TMEM14C: variants seen among roughly 807,000 people sequenced by gnomAD.
TMEM14C encodes the protein transmembrane protein 14C.
In TMEM14C, 13 loss-of-function variants were observed where a neutral mutation model predicts 14.8. The ratio of observed to expected loss-of-function variants is 0.88; its 90% confidence interval spans 0.57 to 1.40. The LOEUF (loss-of-function observed/expected upper bound fraction) is 1.40, where lower values mean the gene tolerates loss of function less well. Ranked by LOEUF, TMEM14C falls within the 40% of genes most tolerant of loss-of-function variation. The pLI, the probability that TMEM14C is intolerant of heterozygous loss-of-function variation, is 0.00. For missense variants in TMEM14C, 142 were observed against 138.8 expected (o/e 1.02, Z -0.12); for synonymous variants, 57 against 51.3 (o/e 1.11, Z -0.48).
At chr6:10,728,959 A>G in intron 5 of TMEM14C, 1 of 999,998 alleles carries the variant, frequency 1.0e-6, no homozygotes, top group Non-Finnish European at 1.4e-6. Context: ...TTTGCTTTCC[A>G]GTCCATCCAA....
chr6:10,723,136 C>T lies in TMEM14C; in HGVS notation c.-150C>T, dbSNP rs1413393805. ...ACAGAGCCGCTCCCCTCTCCTCGCC[C>T]CGCCACCGGGACGGAGAGCGCCCGC... On this transcript the variant is annotated 5_prime_UTR_variant, in exon 1 of 6. Transcript: ENST00000229563. 6 of 152,360 alleles carry T rather than the reference C, an allele frequency of 3.9e-5. No homozygotes were observed. The East Asian group carries it at 5.8e-4, about 15-fold the overall frequency. 9.4% of individuals were successfully genotyped at this position (152,360 alleles called of 1,614,324 possible).
chr6:10,729,982 C>T (rs1770981297), intron 5 of TMEM14C, among the ~76,000 whole-genome samples: 1 of 152,070 alleles, frequency 6.6e-6, no homozygotes. Flanking sequence ...CCTGTAATCA[C>T]AGCTACTTGG....
intron 4 of TMEM14C, 42 bp from the exon 5 acceptor site, chr6:10,728,598 G>T: frequency 6.2e-7 from 1 of 1,600,836 alleles, no homozygotes; most frequent in South Asian, 1.1e-5. Context: ...CTGCGTAGAA[G>T]ATGTAATGAG....
rs747120965 is a variant in TMEM14C, at chr6:10,724,963, T to C, written c.23T>C (p.Val8Ala). MQDTGSVVPLHWFGFGYA... is the reference protein window; with the variant it reads MQDTGSVAPLHWFGFGYA... ...ACTTCTCCCTCTTGTGTTTTCAGAG[T>C]GCCTTTGCATTGGTTTGGCTTTGGC... The change falls in exon 3 of 6, where the codon GTG (valine) becomes GCG (alanine). Residue 8 changes from valine to alanine, a missense_variant and splice_region_variant. Coordinates refer to ENST00000229563, the MANE Select transcript of TMEM14C (RefSeq NM_016462.4). The C allele has an allele frequency of 6.2e-7, 1 of 1,614,250 alleles. No individual in the cohort carries two copies. The highest frequency in any genetic ancestry group is 2.2e-5 in the East Asian group (1 of 44,894).
chr6:10,724,461 T>A, intron 1 of TMEM14C, 109 bp from the exon 2 acceptor site: 1 of 701,916 alleles, frequency 1.4e-6, no homozygotes, highest in South Asian at 1.7e-5. Flanking sequence ...CATGGTACAG[T>A]GAAGAATACT....
chr6:10,724,594 T>C lies in TMEM14C; in HGVS notation c.-20T>C. On this transcript the variant is annotated 5_prime_UTR_variant, in exon 2 of 6. Coordinates refer to ENST00000229563, the MANE Select transcript of TMEM14C (RefSeq NM_016462.4). Reference sequence around the variant, plus strand: ...GGTGCAGGCCTGGGGTAGTCTCCTGTCTGGACAGAGAAGAGAAAAATGCAG... The same window carrying C: ...GGTGCAGGCCTGGGGTAGTCTCCTGCCTGGACAGAGAAGAGAAAAATGCAG... 1.9e-6 allele frequency: 3 copies of C among 1,612,812 alleles called. No individual in the cohort carries two copies. Among genetic ancestry groups the C allele is most frequent in the Non-Finnish European group, 2.5e-6 (3 of 1,179,332 alleles).
At chr6:10,728,222 C>T (rs77293610) in intron 4 of TMEM14C, among the ~76,000 whole-genome samples, 10 of 152,336 alleles carry the variant, frequency 6.6e-5, no homozygotes, top group African/African-American at 2.2e-4. Context: ...TTACAATAAC[C>T]TTTGTATTCT....
At chr6:10,727,848 G>C (rs1770913824) in intron 4 of TMEM14C, among the ~76,000 whole-genome samples, 1 of 152,032 alleles carries the variant, frequency 6.6e-6, no homozygotes. Context: ...ATGTGACTCT[G>C]TTCATGTGTC....
rs201415883 is a variant in TMEM14C at position 10,725,965 on chromosome 6, T to C, written c.156T>C (p.Ala52=). Residue 52 remains alanine, a synonymous_variant, in exon 4 of 6, where the codon GCT becomes GCC. Transcript: ENST00000229563. ...TTGGCAGTCTAGCCGGCCTGGGTGCTTACCAGCTGTCTCAGGATCCAAGGA... is the reference window on the plus strand; with the variant it reads ...TTGGCAGTCTAGCCGGCCTGGGTGCCTACCAGCTGTCTCAGGATCCAAGGA... ...LLFGSLAGLG[A]YQLSQDPRNV... The C allele has an allele frequency of 3.8e-5, 61 of 1,614,038 alleles. No individual in the cohort carries two copies. The highest frequency in any genetic ancestry group is 5.0e-5 in the Non-Finnish European group (59 of 1,180,042).
chr6:10,725,850 C>A, intron 3 of TMEM14C, 57 bp from the exon 4 acceptor site: 1 of 1,606,324 alleles, frequency 6.2e-7, no homozygotes, highest in Non-Finnish European at 8.5e-7. Flanking sequence ...CTGGGGGATT[C>A]CGTTAGTGAA....
chr6:10,726,135 C>G lies in TMEM14C; in HGVS notation c.199+127C>G, dbSNP rs188386694. On this transcript the variant is annotated intron_variant, in intron 4 of 5. Transcript: ENST00000229563. ...CTTACGACAATTTCACTGCTTCTAC[C>G]AAGTCCTCAGAAAGTTTTAAAATGA... is the stretch of plus-strand genomic sequence containing the variant. 1.8e-5 allele frequency: 19 copies of G among 1,035,016 alleles called. No homozygotes were observed. In the African/African-American group the frequency reaches 2.9e-4, roughly 16 times the overall value. The allele number at this position is 1,035,016 out of a possible 1,614,324, so 64.1% of individuals were successfully genotyped here. A position where few individuals can be genotyped will look rare whatever the true frequency, so the allele number is the denominator to read the frequency against.
At chr6:10,730,310 TG>T (rs1770989945) in intron 5 of TMEM14C, among the ~76,000 whole-genome samples, 1 of 152,170 alleles carries the variant, frequency 6.6e-6, no homozygotes, top group African/African-American at 2.4e-5. Flanking sequence ...ACTGAGACGC[TG>T]GAGAGTCTAC....
chr6:10,728,210 A>C (rs1249287904), intron 4 of TMEM14C, among the ~76,000 whole-genome samples: 3 of 152,260 alleles, frequency 2.0e-5, no homozygotes, highest in Non-Finnish European at 4.4e-5. Flanking sequence ...GGGCAAAGAC[A>C]GTTACAATAA....
In TMEM14C at chr6:10,731,033, T is replaced by C. The variant is rs1446262629; in HGVS notation, c.*367T>C. 3 of 993,140 alleles carry C rather than the reference T, an allele frequency of 3.0e-6. No individual in the cohort carries two copies. The highest frequency in any genetic ancestry group is 3.5e-5 in the African/African-American group (2 of 57,594). The allele number at this position is 993,140 out of a possible 1,614,324, so 61.5% of individuals were successfully genotyped here. ...GTGAAAAAAAGTCTTTTAGGAGATTTACAATATCTGTTCTTTTGCTCATCT... is the reference window on the plus strand; with the variant it reads ...GTGAAAAAAAGTCTTTTAGGAGATTCACAATATCTGTTCTTTTGCTCATCT... On this transcript the variant is annotated 3_prime_UTR_variant, in exon 6 of 6. Transcript: ENST00000229563.
chr6:10,726,135 C>A, intron 4 of TMEM14C, 127 bp downstream of exon 4: 2 of 1,035,122 alleles, frequency 1.9e-6, no homozygotes, highest in Non-Finnish European at 2.9e-6. Context: ...CTGCTTCTAC[C>A]AAGTCCTCAG....
chr6:10,729,669 C>T lies in TMEM14C; in HGVS notation c.287+942C>T, dbSNP rs1212898583. On this transcript the variant is annotated intron_variant, in intron 5 of 5. Coordinates refer to ENST00000229563, the MANE Select transcript of TMEM14C (RefSeq NM_016462.4). ...GTGGGCACTTGTAATCCCAGCTACTCGGAAGGCTGGGGCAGGGAGAATTGC... is the reference window on the plus strand; with the variant it reads ...GTGGGCACTTGTAATCCCAGCTACTTGGAAGGCTGGGGCAGGGAGAATTGC... Among the ~76,000 whole-genome samples, 7 of 152,064 alleles carry T rather than the reference C, an allele frequency of 4.6e-5. 1 individual carries two copies. In the South Asian group the frequency reaches 1.0e-3, roughly 23 times the overall value.
intron 4 of TMEM14C, among the ~76,000 whole-genome samples, chr6:10,727,719 G>A (rs1350959341): frequency 6.6e-6 from 1 of 152,034 alleles, no homozygotes; most frequent in Non-Finnish European, 1.5e-5. Context: ...TACTCAGGAG[G>A]CTGAGACTTG....
rs1268520255 is a variant in TMEM14C at position 10,723,150 on chromosome 6, G to A, written c.-136G>A. On this transcript the variant is annotated 5_prime_UTR_variant, in exon 1 of 6. Transcript: ENST00000229563. ...CTCTCCTCGCCCCGCCACCGGGACG[G>A]AGAGCGCCCGCCGCTGCATTTCCGG... 1 of 152,332 alleles carries A rather than the reference G, an allele frequency of 6.6e-6. No individual in the cohort carries two copies. The highest frequency in any genetic ancestry group is 2.4e-5 in the African/African-American group (1 of 41,470). The allele number at this position is 152,332 out of a possible 1,614,324, so 9.4% of individuals were successfully genotyped here.
chr6:10,726,977 T>C (rs1438391394), intron 4 of TMEM14C, among the ~76,000 whole-genome samples: 1 of 152,118 alleles, frequency 6.6e-6, no homozygotes, highest in Non-Finnish European at 1.5e-5. Context: ...TGGGGTGTGC[T>C]GGGGAAGGAG....
Sources: gnomAD v4.1 joint callset for allele counts (sites outside exome capture counted in the v4.1 genomes callset) on GRCh38, gnomAD v4.1.1 for gene constraint, MANE v1.5 for transcripts, NCBI Gene and HGNC (gene_info 2026-07-23, HGNC 2026-07-21) for gene names.